The following KATNAL2 variants were observed in gnomAD, a reference collection of about 807,000 sequenced individuals.
KATNAL2 encodes the protein katanin catalytic subunit A1 like 2, also known as katanin p60 ATPase-containing subunit A-like 2.
KATNAL2 carries 52 observed loss-of-function variants against 76.3 expected under a neutral mutation model. The observed-to-expected ratio is 0.68, with a 90% CI of 0.55 to 0.86. KATNAL2 has a LOEUF of 0.86. Among genes scored for constraint, KATNAL2 ranks in the 40% least tolerant of loss-of-function variants. KATNAL2 has a pLI of 0.00. For synonymous variants in KATNAL2, 243 were observed against 244.2 expected (o/e 1.00, Z 0.05); for missense variants, 660 against 668.9 (o/e 0.99, Z 0.15).
At chr18:46,965,483 G>A (rs1388199111) in intron 3 of KATNAL2, among the ~76,000 whole-genome samples, 50 of 117,792 alleles carry the variant, frequency 4.2e-4, no homozygotes, top group African/African-American at 1.4e-3. Flanking sequence ...CTTCGCTCCA[G>A]CTTTGGCTAA....
At chr18:47,034,787 T>C (rs756651664) in intron 3 of KATNAL2, 3 of 1,612,462 alleles carry the variant, frequency 1.9e-6, no homozygotes, top group Non-Finnish European at 2.5e-6. Context: ...GCTGGGGCTA[T>C]TCTGGGGCAC....
chr18:47,059,449 C>G (rs1184652595), intron 7 of KATNAL2, 107 bp from the exon 8 acceptor site: 5 of 769,544 alleles, frequency 6.5e-6, no homozygotes, highest in Non-Finnish European at 1.2e-5. Context: ...GTCGCGTTCA[C>G]AGAATTGCTA....
chr18:46,944,515 A>G lies in KATNAL2; in HGVS notation c.-509-1542A>G, dbSNP rs536277533. On this transcript the variant is annotated intron_variant, in intron 1 of 17. Coordinates refer to ENST00000683218, the MANE Select transcript of KATNAL2 (RefSeq NM_001387690.1). ...GGAGGCCAAGGGGTGGGGGTGGATC[A>G]CTTGAGGTCAGGAGTTCGAGACCAG... Among the ~76,000 whole-genome samples the G allele has an allele frequency of 2.6e-5, 4 of 152,248 alleles. No homozygotes were observed. In the South Asian group the frequency reaches 8.3e-4, roughly 32 times the overall value.
intron 3 of KATNAL2, among the ~76,000 whole-genome samples, chr18:46,950,586 C>A (rs538801246): frequency 2.0e-3 from 306 of 152,170 alleles, no homozygotes; most frequent in African/African-American, 7.2e-3. Context: ...TGAAAAAAAA[C>A]GAATCTCCTG....
chr18:47,090,077 C>G (rs766834960), intron 15 of KATNAL2, among the ~76,000 whole-genome samples: 1 of 152,066 alleles, frequency 6.6e-6, no homozygotes, highest in African/African-American at 2.4e-5. Context: ...GGATTACAGG[C>G]GTAAGCCACC....
chr18:47,096,277 C>G (rs2063231281), intron 15 of KATNAL2, among the ~76,000 whole-genome samples: 1 of 152,140 alleles, frequency 6.6e-6, no homozygotes, highest in East Asian at 1.9e-4. Flanking sequence ...TTTAGATATT[C>G]TCAGTGTTTT....
At chr18:47,092,489 T>A (rs2063043830) in intron 15 of KATNAL2, among the ~76,000 whole-genome samples, 1 of 152,022 alleles carries the variant, frequency 6.6e-6, no homozygotes, top group African/African-American at 2.4e-5. Context: ...ACAGAGTGAG[T>A]GAGACTCCGT....
chr18:47,041,469 A>G (rs972567576), intron 3 of KATNAL2, among the ~76,000 whole-genome samples: 1 of 152,176 alleles, frequency 6.6e-6, no homozygotes, highest in African/African-American at 2.4e-5. Flanking sequence ...AGGCTTTTCA[A>G]TTGGCTTCTT....
chr18:47,032,159 A>C lies in KATNAL2; in HGVS notation c.52-14298A>C, dbSNP rs550473183. Among the ~76,000 whole-genome samples the C allele has an allele frequency of 2.3e-3, 355 of 152,322 alleles. 2 individuals are homozygous for C. The highest frequency in any genetic ancestry group is 0.01 in the Middle Eastern group (3 of 294). ...GGGTGAAAAGTTTGGGAATGATTCT[A>C]TGTGTTACTTAGGGAAACTATTTTG... On this transcript the variant is annotated intron_variant, in intron 3 of 17. Coordinates refer to ENST00000683218, the MANE Select transcript of KATNAL2 (RefSeq NM_001387690.1).
rs1022407468 is a variant in KATNAL2 at position 46,946,266 on chromosome 18, A to T, written c.-300A>T. On this transcript the variant is annotated 5_prime_UTR_variant, in exon 2 of 18. An upstream start codon of the reference 5' UTR is lost. Transcript: ENST00000683218. ...ACACGTCCATGTTTTTCCACGTCTAATGAGAACAGGTCTGATGTGAAAGGA... is the reference window on the plus strand; with the variant it reads ...ACACGTCCATGTTTTTCCACGTCTATTGAGAACAGGTCTGATGTGAAAGGA... 1 of 1,108,848 alleles carries T rather than the reference A, an allele frequency of 9.0e-7. No homozygotes were observed. The highest frequency in any genetic ancestry group is 1.1e-6 in the Non-Finnish European group (1 of 898,528). 68.7% of individuals were successfully genotyped at this position (1,108,848 alleles called of 1,614,324 possible).
intron 3 of KATNAL2, 114 bp downstream of exon 3, chr18:46,947,037 C>A (rs1027551954): frequency 5.0e-6 from 4 of 795,942 alleles, no homozygotes; most frequent in African/African-American, 1.7e-5. Context: ...ACTAGAGAAG[C>A]GCAAACGCAG....
chr18:47,035,659 C>A lies in KATNAL2; in HGVS notation c.52-10798C>A, dbSNP rs2576049. ...GCCCCGCCCCCATACGTACTCATGC[C>A]GTCAGCACAATGCAGACAATCGGGA... On this transcript the variant is annotated intron_variant, in intron 3 of 17. Coordinates refer to ENST00000683218, the MANE Select transcript of KATNAL2 (RefSeq NM_001387690.1). 3.4e-3 allele frequency: 1,294 copies of A among 381,312 alleles called. 5 individuals carry two copies. Among genetic ancestry groups the A allele is most frequent in the Middle Eastern group, 9.7e-3 (12 of 1,236 alleles). 23.6% of individuals were successfully genotyped at this position (381,312 alleles called of 1,614,324 possible). A position where few individuals can be genotyped will look rare whatever the true frequency, so the allele number is the denominator to read the frequency against.
intron 15 of KATNAL2, among the ~76,000 whole-genome samples, chr18:47,078,833 C>T (rs1034289208): frequency 5.9e-5 from 9 of 152,256 alleles, no homozygotes; most frequent in East Asian, 3.9e-4. Flanking sequence ...AAGCAAAAAA[C>T]GCATAAAAAT....
At chr18:46,948,944 C>G (rs548990346) in intron 3 of KATNAL2, among the ~76,000 whole-genome samples, 2 of 150,810 alleles carry the variant, frequency 1.3e-5, no homozygotes, top group South Asian at 4.2e-4. Flanking sequence ...CACTGTCATT[C>G]AGGCTGGAGT....
At chr18:47,048,028 T>C (rs1456604695) in intron 4 of KATNAL2, among the ~76,000 whole-genome samples, 1 of 152,184 alleles carries the variant, frequency 6.6e-6, no homozygotes, top group Non-Finnish European at 1.5e-5. Context: ...ATTAGGATGA[T>C]TTTGTTCCTT....
intron 1 of KATNAL2, among the ~76,000 whole-genome samples, chr18:46,944,458 C>T (rs1200375968): frequency 6.6e-6 from 1 of 152,086 alleles, no homozygotes; most frequent in Non-Finnish European, 1.5e-5. Context: ...GGGTTGGGAG[C>T]AGCGGTTCAC....
chr18:47,043,203 G>A (rs915599294), intron 3 of KATNAL2, among the ~76,000 whole-genome samples: 16 of 106,498 alleles, frequency 1.5e-4, no homozygotes, highest in African/African-American at 2.9e-4. Flanking sequence ...CTCCAGCCCC[G>A]GCGACAGAGC....
intron 3 of KATNAL2, among the ~76,000 whole-genome samples, chr18:47,044,373 G>C (rs778626946): frequency 2.5e-4 from 38 of 152,264 alleles, no homozygotes; most frequent in Middle Eastern, 3.4e-3. Flanking sequence ...GTTTCAATTC[G>C]GGAAGATGAA....
At chr18:47,074,519 A>C (rs2062122982) in intron 13 of KATNAL2, among the ~76,000 whole-genome samples, 1 of 152,060 alleles carries the variant, frequency 6.6e-6, no homozygotes, top group South Asian at 2.1e-4. Context: ...TGCTCAAGAG[A>C]TCAGTTTCAG....
Sources: allele counts gnomAD v4.1 joint callset (sites outside exome capture counted in the v4.1 genomes callset), GRCh38; gene constraint gnomAD v4.1.1; transcripts MANE v1.5; gene names NCBI Gene and HGNC (gene_info 2026-07-23, HGNC 2026-07-21).